NADK: variants seen among roughly 807,000 people sequenced by gnomAD.
NADK encodes the protein NAD kinase, also known as poly(P)/ATP NAD kinase.
Under a neutral mutation model 49.8 loss-of-function variants are expected in NADK, and 22 were observed. That is an observed-to-expected ratio of 0.44 (90% CI 0.32 to 0.63). The LOEUF (loss-of-function observed/expected upper bound fraction) is 0.63, where lower values mean the gene tolerates loss of function less well. NADK is among the 30% of genes least tolerant of loss of function. The pLI, the probability that NADK is intolerant of heterozygous loss-of-function variation, is 0.06. For synonymous variants in NADK, 268 were observed against 253.7 expected, an observed-to-expected ratio of 1.06 and a Z score of -0.54; for missense variants, 438 against 609.4, an observed-to-expected ratio of 0.72 and a Z score of 2.96.
Position 1,765,563 on chromosome 1 carries a change from T to G in NADK, c.-40-117A>C. 7.9e-6 allele frequency: 4 copies of G among 503,466 alleles called. No homozygotes were observed. The East Asian group carries it at 1.4e-4, about 18-fold the overall frequency. The allele number at this position is 503,466 out of a possible 1,614,324, so 31.2% of individuals were successfully genotyped here. A position where few individuals can be genotyped will look rare whatever the true frequency, so the allele number is the denominator to read the frequency against. ...GGGGAAAAAATGGCTGAAGTCCAAT[T>G]TACCAAAGTACTTTGAAAACAGACT... On this transcript the variant is annotated intron_variant, in intron 1 of 11. Coordinates refer to ENST00000341426, the MANE Select transcript of NADK (RefSeq NM_023018.5).
rs376409874 is a variant in NADK, at chr1:1,752,961, G to A, written c.1284C>T (p.Asn428=). 19 of 1,599,794 alleles carry A rather than the reference G, an allele frequency of 1.2e-5. No individual in the cohort carries two copies. Among genetic ancestry groups the A allele is most frequent in the East Asian group, 2.3e-5 (1 of 44,384 alleles). Residue 428 remains asparagine (N), a synonymous_variant, in exon 12 of 12, where the codon AAC becomes AAT. Coordinates refer to ENST00000341426, the MANE Select transcript of NADK (RefSeq NM_023018.5). ...FESLAQCLHW[N]VRKKQAHFEE... ...CGAAGTGGGCTTGCTTCTTCCGGAC[G>A]TTCCAATGCAGGCACTGGGCGAGGC... is the stretch of plus-strand genomic sequence containing the variant.
Position 1,754,745 on chromosome 1 carries a change from G to A in NADK, c.689-47C>T, listed in dbSNP as rs1313375947. The A allele has an allele frequency of 7.7e-6, 12 of 1,550,556 alleles. No homozygotes were observed. The highest frequency in any genetic ancestry group is 9.6e-6 in the Non-Finnish European group (11 of 1,151,512). On this transcript the variant is annotated intron_variant, in intron 7 of 11. Coordinates refer to ENST00000341426, the MANE Select transcript of NADK (RefSeq NM_023018.5). This position sits in a 1 kb window ranked among gnomAD's most constrained non-coding sequence, Gnocchi z 4.3. ...AGGGCATGCATCAGGGAAGTCAGTG[G>A]GGTCAGGGGCCCCACCCCAGGGAGG...
At chr1:1,761,327 T>A (rs545458061) in intron 3 of NADK, among the ~76,000 whole-genome samples, 1 of 152,232 alleles carries the variant, frequency 6.6e-6, no homozygotes, top group East Asian at 1.9e-4. Flanking sequence ...GCTTTCACCA[T>A]GTTGCCCGGG....
chr1:1,774,558 T>G (rs1646152961), intron 1 of NADK, among the ~76,000 whole-genome samples: 1 of 149,268 alleles, frequency 6.7e-6, no homozygotes, highest in Admixed American at 6.7e-5. Flanking sequence ...ACGGCCACCA[T>G]TATGCCTCGG....
rs1259628543 is a variant in NADK at position 1,753,905 on chromosome 1, C to A, written c.1101+146G>T. 46 of 1,102,124 alleles carry A rather than the reference C, an allele frequency of 4.2e-5. 1 individual carries two copies. Among genetic ancestry groups the A allele is most frequent in the Non-Finnish European group, 5.8e-5 (45 of 780,812 alleles). The allele number at this position is 1,102,124 out of a possible 1,614,324, so 68.3% of individuals were successfully genotyped here. A position where few individuals can be genotyped will look rare whatever the true frequency, so the allele number is the denominator to read the frequency against. On this transcript the variant is annotated intron_variant, in intron 10 of 11. Transcript: ENST00000341426. ...GGCACCAGCAAGGGAAGGCTTGCATCTGAGGGGGCACAGGATGGCCCTAGG... is the reference window on the plus strand; with the variant it reads ...GGCACCAGCAAGGGAAGGCTTGCATATGAGGGGGCACAGGATGGCCCTAGG...
At chr1:1,755,247 T>C in intron 7 of NADK, 127 bp downstream of exon 7, 2 of 730,614 alleles carry the variant, frequency 2.7e-6, no homozygotes, top group Admixed American at 2.3e-5. Context: ...GATTTAGAAA[T>C]CCCTGAATCT....
rs983064971 is a variant in NADK, at chr1:1,765,162, G to A, written c.179+66C>T. ...CTACTCAGGAGAATTCTTCATAATC[G>A]TTTTAAGAAAGAATATTATGAAATC... is the stretch of plus-strand genomic sequence containing the variant. On this transcript the variant is annotated intron_variant, in intron 2 of 11. Transcript: ENST00000341426. 94 of 1,427,446 alleles carry A rather than the reference G, an allele frequency of 6.6e-5. No homozygotes were observed. The Admixed American group carries it at 2.0e-3, about 30-fold the overall frequency. The allele number at this position is 1,427,446 out of a possible 1,614,324, so 88.4% of individuals were successfully genotyped here.
chr1:1,763,341 G>A (rs1385969859), intron 2 of NADK, among the ~76,000 whole-genome samples: 1 of 152,110 alleles, frequency 6.6e-6, no homozygotes, highest in Non-Finnish European at 1.5e-5. Flanking sequence ...AAAATTAGCC[G>A]GGCGTTGTGG....
rs1380459353 is a variant in NADK, at chr1:1,754,636, T to G, written c.751A>C (p.Lys251Gln). The G allele has an allele frequency of 6.2e-7, 1 of 1,613,480 alleles. No homozygotes were observed. The highest frequency in any genetic ancestry group is 8.5e-7 in the Non-Finnish European group (1 of 1,179,820). The change falls in exon 8 of 12, where the codon AAG becomes CAG. Residue 251 changes from lysine to glutamine, a missense_variant. Physicochemically the swap from Lys to Gln is moderately conservative, Grantham distance 53. Coordinates refer to ENST00000341426, the MANE Select transcript of NADK (RefSeq NM_023018.5). This position sits in a 1 kb window ranked among gnomAD's most constrained non-coding sequence, Gnocchi z 4.3. ...KVRVVKELRG[K>Q]KTAVHNGLGE... ...AGCCCATTGTGCACGGCCGTCTTCTTCCCCCGGAGCTCCTTCACCACCCTG... is the reference window on the plus strand; with the variant it reads ...AGCCCATTGTGCACGGCCGTCTTCTGCCCCCGGAGCTCCTTCACCACCCTG...
At chr1:1,759,875 C>G in intron 3 of NADK, 1 of 1,550,724 alleles carries the variant, frequency 6.4e-7, no homozygotes, top group Non-Finnish European at 8.7e-7. Context: ...AAGGCAGCAG[C>G]TGAGATGCGA....
At chr1:1,759,076 C>G in intron 3 of NADK, 1 of 1,507,308 alleles carries the variant, frequency 6.6e-7, no homozygotes, top group Non-Finnish European at 8.9e-7. Context: ...TCCCCCTGCT[C>G]TCCCCGCCAA....
intron 3 of NADK, chr1:1,758,520 C>T (rs770875455): frequency 6.8e-6 from 11 of 1,608,256 alleles, no homozygotes; most frequent in African/African-American, 2.7e-5. Flanking sequence ...GGCGAACACG[C>T]GGCCGCCCCA....
chr1:1,761,872 C>T (rs1645735798), intron 3 of NADK, 80 bp downstream of exon 3: 1 of 1,361,350 alleles, frequency 7.3e-7, no homozygotes, highest in Non-Finnish European at 1.0e-6. Context: ...TCCCCCATCC[C>T]ATGGCCCCCG....
At chr1:1,769,429 C>T (rs955874771) in intron 1 of NADK, among the ~76,000 whole-genome samples, 1 of 151,992 alleles carries the variant, frequency 6.6e-6, no homozygotes. Flanking sequence ...TGGGCGCCTA[C>T]ACTCCCAGCT....
At chr1:1,760,234 G>A (rs1180064683) in intron 3 of NADK, among the ~76,000 whole-genome samples, 1 of 152,206 alleles carries the variant, frequency 6.6e-6, no homozygotes, top group African/African-American at 2.4e-5. Flanking sequence ...GCATTTGGCA[G>A]CAGTGACAGG....
chr1:1,756,921 T>C (rs1645542971), intron 4 of NADK: 1 of 812,152 alleles, frequency 1.2e-6, no homozygotes, highest in South Asian at 1.4e-5. Context: ...ACGTCAGATG[T>C]GGCCCCTTGA....
At chr1:1,753,860 AC>A (rs2100270746) in intron 10 of NADK, among the ~76,000 whole-genome samples, 190 bp downstream of exon 10, 1 of 152,276 alleles carries the variant, frequency 6.6e-6, no homozygotes, top group African/African-American at 2.4e-5. Flanking sequence ...GGCCCTGGGC[AC>A]CTTGATGGAC....
At chr1:1,759,685 G>C (rs1259863385) in intron 3 of NADK, 1 of 1,536,132 alleles carries the variant, frequency 6.5e-7, no homozygotes, top group South Asian at 1.2e-5. Flanking sequence ...TGCTCCCATG[G>C]GGGTGCCGAG....
intron 6 of NADK, 112 bp downstream of exon 6, chr1:1,756,146 G>T: frequency 9.6e-7 from 1 of 1,046,330 alleles, no homozygotes; most frequent in South Asian, 1.3e-5. Context: ...CGCTCTAGGT[G>T]ACTGCTCTCG....
Sources: allele counts gnomAD v4.1 joint callset (sites outside exome capture counted in the v4.1 genomes callset), GRCh38; gene constraint gnomAD v4.1.1; non-coding constraint Gnocchi (gnomAD v3.1); transcripts MANE v1.5; gene names NCBI Gene and HGNC (gene_info 2026-07-23, HGNC 2026-07-21).